Variants in SLC8A1 observed in about 807,000 individuals in gnomAD.
SLC8A1 encodes sodium/calcium exchanger 1.
SLC8A1 carries 18 observed loss-of-function variants against 68.3 expected under a neutral mutation model. The ratio of observed to expected loss-of-function variants is 0.26; its 90% confidence interval spans 0.18 to 0.39. The LOEUF is 0.39. Among genes scored for constraint, SLC8A1 ranks in the 10% least tolerant of loss-of-function variants. The pLI, the probability that SLC8A1 is intolerant of heterozygous loss-of-function variation, is 1.00. For synonymous variants in SLC8A1, 475 were observed against 415.5 expected, an observed-to-expected ratio of 1.14 and a Z score of -1.74; for missense variants, 985 against 1,156.7, an observed-to-expected ratio of 0.85 and a Z score of 2.15.
intron 2 of SLC8A1, among the ~76,000 whole-genome samples, chr2:40,300,474 T>C (rs2071247374): frequency 6.6e-6 from 1 of 152,212 alleles, no homozygotes; most frequent in Non-Finnish European, 1.5e-5. Context: ...ACATTTCTTA[T>C]TTGTTTCGTA....
chr2:40,208,036 A>G (rs918179415), intron 2 of SLC8A1, among the ~76,000 whole-genome samples: 3 of 152,132 alleles, frequency 2.0e-5, no homozygotes, highest in Non-Finnish European at 4.4e-5. Flanking sequence ...TTGTAAACCA[A>G]GCTATCAAAG....
At chr2:40,495,820 G>A (rs2149930117) in intron 1 of SLC8A1, among the ~76,000 whole-genome samples, 1 of 152,092 alleles carries the variant, frequency 6.6e-6, no homozygotes, top group African/African-American at 2.4e-5. Flanking sequence ...GCAGTCTCCA[G>A]GCACTGAAAG....
At chr2:40,367,301 T>TG (rs1676536567) in intron 2 of SLC8A1, among the ~76,000 whole-genome samples, 1 of 152,062 alleles carries the variant, frequency 6.6e-6, no homozygotes, top group African/African-American at 2.4e-5. Context: ...CTTCTGCCTG[T>TG]GTTCCCTAGT....
chr2:40,187,276 G>A (rs936093475), intron 2 of SLC8A1, among the ~76,000 whole-genome samples: 1 of 152,194 alleles, frequency 6.6e-6, no homozygotes, highest in Admixed American at 6.6e-5. Flanking sequence ...TGGAGCTCCT[G>A]CTATGAAGCC....
At chr2:40,466,074 A>G (rs1703652113) in intron 1 of SLC8A1, among the ~76,000 whole-genome samples, 1 of 152,160 alleles carries the variant, frequency 6.6e-6, no homozygotes, top group Non-Finnish European at 1.5e-5. Flanking sequence ...ATCAGAAAAT[A>G]AATGTCTGTT....
At chr2:40,303,789 C>A (rs917205797) in intron 2 of SLC8A1, among the ~76,000 whole-genome samples, 4 of 152,146 alleles carry the variant, frequency 2.6e-5, no homozygotes, top group Non-Finnish European at 4.4e-5. Flanking sequence ...CCAGACCTCA[C>A]TTTCTTCAGG....
intron 2 of SLC8A1, among the ~76,000 whole-genome samples, chr2:40,322,503 A>T (rs1444885477): frequency 1.5e-5 from 1 of 68,206 alleles, no homozygotes; most frequent in African/African-American, 1.5e-4. Flanking sequence ...CAAAAGGTTA[A>T]AAAAAAAAAA....
intron 2 of SLC8A1, among the ~76,000 whole-genome samples, chr2:40,239,306 T>C (rs2060884773): frequency 6.6e-6 from 1 of 152,226 alleles, no homozygotes; most frequent in Non-Finnish European, 1.5e-5. Flanking sequence ...TATTTGACCA[T>C]TAGCTGTCTG....
rs59783278 is a variant in SLC8A1 at position 40,435,942 on chromosome 2, A to ATTT, written c.-24-5641_-24-5639dup. 9.8e-4 allele frequency among the ~76,000 whole-genome samples: 123 copies of ATTT among 125,426 alleles called. 2 individuals are homozygous for ATTT. The East Asian group carries it at 0.022, about 22-fold the overall frequency. 82.3% of individuals were successfully genotyped at this position (125,426 alleles called of 152,430 possible). On this transcript the variant is annotated intron_variant, in intron 1 of 7. Transcript: ENST00000406785. The stretch of plus-strand genomic sequence containing the variant: ...AGGTGCCTGCCAACCATGCTCGGCT[A>ATTT]TTTTTTTTTTTTTTTTTGTATTTTT...
intron 2 of SLC8A1, among the ~76,000 whole-genome samples, chr2:40,252,307 GT>G (rs774937738): frequency 4.0e-4 from 59 of 147,308 alleles, no homozygotes; most frequent in Middle Eastern, 3.5e-3. Context: ...TATGTGTGCA[GT>G]TTTTTTTTTT....
At chr2:40,229,197 G>A (rs1190595945) in intron 2 of SLC8A1, among the ~76,000 whole-genome samples, 2 of 151,940 alleles carry the variant, frequency 1.3e-5, no homozygotes, top group African/African-American at 2.4e-5. Context: ...CTTAACAAAG[G>A]GATGAAAATT....
chr2:40,236,559 G>T (rs2060403227), intron 2 of SLC8A1, among the ~76,000 whole-genome samples: 1 of 149,742 alleles, frequency 6.7e-6, no homozygotes. Context: ...TATCCAATTT[G>T]CCAGTCTGTG....
intron 5 of SLC8A1, among the ~76,000 whole-genome samples, chr2:40,162,771 G>C (rs2045906387): frequency 6.6e-6 from 1 of 152,054 alleles, no homozygotes; most frequent in Non-Finnish European, 1.5e-5. Context: ...CACTGCACTA[G>C]ATTTTCAAAG....
chr2:40,204,457 C>T (rs1007132972), intron 2 of SLC8A1, among the ~76,000 whole-genome samples: 2 of 151,984 alleles, frequency 1.3e-5, no homozygotes, highest in Admixed American at 6.6e-5. Flanking sequence ...AATGACTACA[C>T]ATTTCTGCCC....
intron 2 of SLC8A1, among the ~76,000 whole-genome samples, chr2:40,375,808 G>C (rs1243720524): frequency 6.6e-6 from 1 of 152,044 alleles, no homozygotes; most frequent in Non-Finnish European, 1.5e-5. Context: ...TTGAAGACCA[G>C]CCCAGGCAAC....
intron 7 of SLC8A1, among the ~76,000 whole-genome samples, chr2:40,132,915 TC>T (rs1279878562): frequency 1.3e-5 from 2 of 152,228 alleles, no homozygotes; most frequent in African/African-American, 4.8e-5. Flanking sequence ...TCAAAACTTT[TC>T]CCATTTATTC....
At chr2:40,280,320 C>G (rs2067330944) in intron 2 of SLC8A1, among the ~76,000 whole-genome samples, 1 of 145,728 alleles carries the variant, frequency 6.9e-6, no homozygotes, top group Admixed American at 6.9e-5. Flanking sequence ...TTTTACCATT[C>G]TGTCACAGGA....
At chr2:40,350,847 C>G (rs971513300) in intron 2 of SLC8A1, among the ~76,000 whole-genome samples, 1 of 151,908 alleles carries the variant, frequency 6.6e-6, no homozygotes, top group Non-Finnish European at 1.5e-5. Flanking sequence ...ATCTATAATT[C>G]TCAAAATAAT....
At chr2:40,184,542 T>C (rs112778923) in intron 2 of SLC8A1, among the ~76,000 whole-genome samples, 1 of 152,196 alleles carries the variant, frequency 6.6e-6, no homozygotes, top group African/African-American at 2.4e-5. Flanking sequence ...CACAGTGATT[T>C]CCTTCTCAAG....
Sources: gnomAD v4.1 joint callset for allele counts (sites outside exome capture counted in the v4.1 genomes callset) on GRCh38, gnomAD v4.1.1 for gene constraint, MANE v1.5 for transcripts, NCBI Gene and HGNC (gene_info 2026-07-23, HGNC 2026-07-21) for gene names.